The following AUH variants were observed in gnomAD, a reference collection of about 807,000 sequenced individuals.
AUH encodes AU RNA binding methylglutaconyl-CoA hydratase, also known as methylglutaconyl-CoA hydratase, mitochondrial.
A neutral mutation model predicts 42.3 loss-of-function variants in AUH; 29 were observed. The observed-to-expected ratio is 0.69, with a 90% CI of 0.51 to 0.93. The LOEUF is 0.93. Ranked by LOEUF, AUH falls within the 40% of genes least tolerant of loss-of-function variation. AUH has a pLI of 0.00. For synonymous variants in AUH, 174 were observed against 166.4 expected (o/e 1.05, Z -0.35); for missense variants, 452 against 438.1 (o/e 1.03, Z -0.28).
At chr9:91,336,182 T>C (rs1830673069) in intron 3 of AUH, among the ~76,000 whole-genome samples, 1 of 152,234 alleles carries the variant, frequency 6.6e-6, no homozygotes, top group African/African-American at 2.4e-5. Context: ...CACGTTGCTA[T>C]TTTATATTTT....
At chr9:91,352,423 T>C (rs189746206) in intron 3 of AUH, among the ~76,000 whole-genome samples, 36 of 152,034 alleles carry the variant, frequency 2.4e-4, no homozygotes, top group Non-Finnish European at 8.8e-5. Flanking sequence ...AAAATAATAA[T>C]TATTTATATT....
intron 6 of AUH, among the ~76,000 whole-genome samples, chr9:91,257,983 AT>A (rs1829497960): frequency 6.6e-6 from 1 of 152,182 alleles, no homozygotes; most frequent in Non-Finnish European, 1.5e-5. Context: ...ATTGTGTTAA[AT>A]TTAAAGTATT....
At chr9:91,257,199 A>G (rs1829449624) in intron 6 of AUH, among the ~76,000 whole-genome samples, 1 of 152,090 alleles carries the variant, frequency 6.6e-6, no homozygotes, top group African/African-American at 2.4e-5. Flanking sequence ...GGGTAGCAGT[A>G]TTATTACTAA....
chr9:91,358,802 C>G (rs955761184), intron 1 of AUH, among the ~76,000 whole-genome samples: 10 of 152,158 alleles, frequency 6.6e-5, no homozygotes, highest in Non-Finnish European at 1.5e-4. Flanking sequence ...CTTCAAAAAG[C>G]TAGAAATTAG....
chr9:91,359,883 TAAAGC>T (rs1210683125), intron 1 of AUH, among the ~76,000 whole-genome samples: 2 of 152,082 alleles, frequency 1.3e-5, no homozygotes, highest in Non-Finnish European at 2.9e-5. Context: ...GGTTCAACAG[TAAAGC>T]AAAGCAAAGC....
At chr9:91,325,472 T>C (rs1456921958) in intron 3 of AUH, 68 bp from the exon 4 acceptor site, 1 of 1,333,722 alleles carries the variant, frequency 7.5e-7, no homozygotes, top group Non-Finnish European at 1.1e-6. Context: ...GAATTGAAAA[T>C]TTACTTAAGA....
At chr9:91,249,708 T>C (rs75421757) in intron 6 of AUH, among the ~76,000 whole-genome samples, 2 of 152,192 alleles carry the variant, frequency 1.3e-5, no homozygotes, top group Admixed American at 6.5e-5. Flanking sequence ...GGCTTTGCAA[T>C]TGTTTTTAAA....
intron 6 of AUH, among the ~76,000 whole-genome samples, chr9:91,269,950 TG>T (rs1404066904): frequency 1.3e-5 from 2 of 152,260 alleles, no homozygotes; most frequent in Non-Finnish European, 2.9e-5. Flanking sequence ...TTTACCTGGC[TG>T]GGTCTACAGA....
At chr9:91,361,589 CG>C in intron 1 of AUH, 38 bp downstream of exon 1, 1 of 1,558,920 alleles carries the variant, frequency 6.4e-7, no homozygotes, top group Non-Finnish European at 8.7e-7. Flanking sequence ...AGCGAGCGGC[CG>C]CCCGCTGCCC....
intron 6 of AUH, among the ~76,000 whole-genome samples, chr9:91,278,817 A>C (rs1825743601): frequency 6.6e-6 from 1 of 152,226 alleles, no homozygotes; most frequent in Admixed American, 6.5e-5. Flanking sequence ...TAACTGTTGA[A>C]ACAAGCGACA....
chr9:91,251,284 C>A (rs1221135056), intron 6 of AUH, among the ~76,000 whole-genome samples: 1 of 152,188 alleles, frequency 6.6e-6, no homozygotes, highest in East Asian at 1.9e-4. Flanking sequence ...CTTATCAAGA[C>A]ATGAAAATGA....
chr9:91,238,005 G>A (rs1828290066), intron 6 of AUH, among the ~76,000 whole-genome samples: 2 of 152,148 alleles, frequency 1.3e-5, no homozygotes, highest in South Asian at 4.1e-4. Context: ...GGGAGTATGG[G>A]GAATGAGTTT....
At chr9:91,247,785 T>G (rs1157167276) in intron 6 of AUH, among the ~76,000 whole-genome samples, 1 of 152,260 alleles carries the variant, frequency 6.6e-6, no homozygotes, top group Non-Finnish European at 1.5e-5. Context: ...CATCTTTTTA[T>G]GTGCATATTT....
chr9:91,265,688 G>A (rs151026900), intron 6 of AUH, among the ~76,000 whole-genome samples: 1 of 152,290 alleles, frequency 6.6e-6, no homozygotes, highest in African/African-American at 2.4e-5. Context: ...CACAGAATGA[G>A]AAGGATTTTA....
chr9:91,346,274 A>AGATT lies in AUH; in HGVS notation c.418+9605_418+9608dup, dbSNP rs1831503044. Reference sequence around the variant, plus strand: ...ACCTTCAGGGAGTGAGAGGAGCTGGAGATTGAGCTCAGTCGCCAATGGCTA... The same window carrying AGATT: ...ACCTTCAGGGAGTGAGAGGAGCTGGAGATTGATTGAGCTCAGTCGCCAATGGCTA... On this transcript the variant is annotated intron_variant, in intron 3 of 9. Transcript: ENST00000375731. Among the ~76,000 whole-genome samples, 6 of 152,256 alleles carry AGATT rather than the reference A, an allele frequency of 3.9e-5. No homozygotes were observed. The South Asian group carries it at 1.2e-3, about 32-fold the overall frequency.
intron 6 of AUH, among the ~76,000 whole-genome samples, chr9:91,279,140 T>C (rs1825766505): frequency 1.3e-5 from 2 of 152,272 alleles, no homozygotes; most frequent in Admixed American, 1.3e-4. Context: ...GTTAAAGATA[T>C]TAAAAATGAA....
intron 3 of AUH, among the ~76,000 whole-genome samples, chr9:91,344,253 T>C (rs773189535): frequency 5.3e-5 from 8 of 152,216 alleles, no homozygotes; most frequent in Non-Finnish European, 8.8e-5. Flanking sequence ...TCCAGGTCTT[T>C]AGATAAATTC....
chr9:91,273,440 T>TC (rs1196805823), intron 6 of AUH, among the ~76,000 whole-genome samples: 1 of 152,240 alleles, frequency 6.6e-6, no homozygotes, highest in Non-Finnish European at 1.5e-5. Context: ...ATGACAGGAT[T>TC]CCACTATAAC....
chr9:91,308,742 T>C (rs912771030), intron 4 of AUH, among the ~76,000 whole-genome samples: 1 of 151,838 alleles, frequency 6.6e-6, no homozygotes, highest in Non-Finnish European at 1.5e-5. Flanking sequence ...ACTTGGTGGA[T>C]TGACAAAAAA....
Sources: allele counts gnomAD v4.1 joint callset (sites outside exome capture counted in the v4.1 genomes callset), GRCh38; gene constraint gnomAD v4.1.1; transcripts MANE v1.5; gene names NCBI Gene and HGNC (gene_info 2026-07-23, HGNC 2026-07-21).